TYW1B: variants seen among roughly 807,000 people sequenced by gnomAD.
TYW1B encodes S-adenosyl-L-methionine-dependent tRNA 4-demethylwyosine synthase TYW1B.
A neutral mutation model predicts 86.9 loss-of-function variants in TYW1B; 73 were observed. The ratio of observed to expected loss-of-function variants is 0.84; its 90% CI spans 0.70 to 1.02. TYW1B has a LOEUF of 1.02. Ranked by LOEUF, TYW1B falls within the 50% of genes least tolerant of loss-of-function variation. The probability of loss-of-function intolerance (pLI) is 0.00; values close to 1 mark genes in which losing one functional copy is unlikely to be tolerated. For synonymous variants in TYW1B, 248 were observed against 292.8 expected (o/e 0.85, Z 1.56); for missense variants, 637 against 827.4 (o/e 0.77, Z 2.82).
chr7:72,777,667 G>A (rs1787980819), intron 6 of TYW1B, 134 bp from the exon 7 acceptor site: 2 of 1,098,092 alleles, frequency 1.8e-6, no homozygotes, highest in East Asian at 2.6e-5. Context: ...TGTAATCCCA[G>A]CATTTTAGAA....
chr7:72,761,715 G>GGA (rs1197982179), intron 7 of TYW1B, among the ~76,000 whole-genome samples: 6 of 151,626 alleles, frequency 4.0e-5, no homozygotes, highest in East Asian at 1.9e-4. Context: ...ATACCGAAAG[G>GGA]GAGAGAGAGA....
At chr7:72,580,851 G>C (rs1811135751) in intron 13 of TYW1B, among the ~76,000 whole-genome samples, 1 of 146,572 alleles carries the variant, frequency 6.8e-6, no homozygotes, top group Non-Finnish European at 1.5e-5. Flanking sequence ...GGAGAAAACA[G>C]TATTGGACTT....
At chr7:72,740,405 GAA>G (rs71071908) in intron 8 of TYW1B, among the ~76,000 whole-genome samples, 30 of 132,060 alleles carry the variant, frequency 2.3e-4, no homozygotes, top group Non-Finnish European at 2.4e-4. Context: ...GTCTCAAAAG[GAA>G]AAAAAAAAAA....
chr7:72,582,832 A>T (rs1479230760), intron 13 of TYW1B, among the ~76,000 whole-genome samples: 1 of 152,178 alleles, frequency 6.6e-6, no homozygotes, highest in Non-Finnish European at 1.5e-5. Context: ...AGAACACAGA[A>T]ATCTAGATGA....
chr7:72,819,278 C>T (rs1458667435), intron 2 of TYW1B, among the ~76,000 whole-genome samples: 2 of 152,064 alleles, frequency 1.3e-5, no homozygotes, highest in African/African-American at 2.4e-5. Context: ...GGGTTTTAAG[C>T]AGAGGGATGA....
intron 6 of TYW1B, among the ~76,000 whole-genome samples, chr7:72,783,330 G>A (rs1362761519): frequency 6.7e-5 from 10 of 149,578 alleles, no homozygotes; most frequent in East Asian, 3.9e-4. Flanking sequence ...CCTAGCAGGC[G>A]GAGGTTGCAA....
intron 6 of TYW1B, among the ~76,000 whole-genome samples, chr7:72,782,826 G>A (rs147257663): frequency 0.048 from 7,237 of 151,932 alleles, 521 homozygotes; most frequent in East Asian, 0.33. Context: ...GCAGTGAGCC[G>A]ACATGGTGCC....
At chr7:72,812,163 T>C (rs1223920127) in intron 3 of TYW1B, among the ~76,000 whole-genome samples, 1 of 150,916 alleles carries the variant, frequency 6.6e-6, no homozygotes, top group Non-Finnish European at 1.5e-5. Context: ...AATCTGCATA[T>C]ACATAATGAT....
chr7:72,646,711 C>A (rs568788953), intron 11 of TYW1B, among the ~76,000 whole-genome samples: 1 of 152,122 alleles, frequency 6.6e-6, no homozygotes, highest in Non-Finnish European at 1.5e-5. Context: ...GAAGTATTCA[C>A]GGATAAAATG....
chr7:72,736,686 G>C (rs1554461072), intron 8 of TYW1B, among the ~76,000 whole-genome samples: 1 of 152,150 alleles, frequency 6.6e-6, no homozygotes, highest in Admixed American at 6.5e-5. Context: ...CTACAGATTT[G>C]TCTATTCTAG....
chr7:72,616,571 A>G (rs1812076801), intron 13 of TYW1B, 101 bp downstream of exon 13: 1 of 1,566,050 alleles, frequency 6.4e-7, no homozygotes, highest in Non-Finnish European at 8.7e-7. Context: ...GCAAGCACGC[A>G]GATCATCCCT....
intron 9 of TYW1B, 117 bp downstream of exon 9, chr7:72,728,705 C>T: frequency 9.9e-7 from 1 of 1,006,296 alleles, no homozygotes; most frequent in Non-Finnish European, 1.5e-6. Context: ...GTTTTCACTT[C>T]CTTAGAGGAA....
intron 7 of TYW1B, among the ~76,000 whole-genome samples, chr7:72,751,711 TG>T (rs1787503430): frequency 6.6e-6 from 1 of 152,232 alleles, no homozygotes; most frequent in South Asian, 2.1e-4. Context: ...TGTTTTCTTG[TG>T]TCCTAGACAT....
intron 7 of TYW1B, among the ~76,000 whole-genome samples, chr7:72,747,706 C>T (rs1787420299): frequency 6.6e-6 from 1 of 152,282 alleles, no homozygotes; most frequent in African/African-American, 2.4e-5. Flanking sequence ...CCTATTTCTA[C>T]AAAAGTCTTA....
At chr7:72,690,797 G>T (rs1814133261) in intron 11 of TYW1B, among the ~76,000 whole-genome samples, 1 of 152,116 alleles carries the variant, frequency 6.6e-6, no homozygotes, top group Non-Finnish European at 1.5e-5. Flanking sequence ...GACCAGACTG[G>T]AGTTCAATGG....
chr7:72,755,398 G>A (rs1444155117), intron 7 of TYW1B, among the ~76,000 whole-genome samples: 6 of 152,114 alleles, frequency 3.9e-5, no homozygotes, highest in Non-Finnish European at 7.4e-5. Flanking sequence ...CAGCCTGGCC[G>A]GGCGTGATGG....
At chr7:72,705,149 G>A (rs1814582715) in intron 10 of TYW1B, among the ~76,000 whole-genome samples, 2 of 152,228 alleles carry the variant, frequency 1.3e-5, no homozygotes, top group South Asian at 4.1e-4. Flanking sequence ...TTCAATCTTC[G>A]TTTCATTGTA....
chr7:72,583,857 AG>A (rs1554430015), intron 13 of TYW1B, among the ~76,000 whole-genome samples: 1 of 152,234 alleles, frequency 6.6e-6, no homozygotes, highest in African/African-American at 2.4e-5. Flanking sequence ...GTCCAAAAAA[AG>A]CTAAGTGATA....
intron 8 of TYW1B, among the ~76,000 whole-genome samples, chr7:72,731,393 C>CAAAAA (rs59262388): frequency 1.8e-3 from 61 of 33,002 alleles, no homozygotes; most frequent in Non-Finnish European, 2.3e-3. Flanking sequence ...TACCAAACTG[C>CAAAAA]AAAAAAAAAA....
Sources: gnomAD v4.1 joint callset for allele counts (sites outside exome capture counted in the v4.1 genomes callset) on GRCh38, gnomAD v4.1.1 for gene constraint, MANE v1.5 for transcripts, NCBI Gene and HGNC (gene_info 2026-07-23, HGNC 2026-07-21) for gene names.